ACOT7: variants seen among roughly 807,000 people sequenced by gnomAD.
ACOT7 encodes acyl-CoA thioesterase 7.
Under a neutral mutation model 40.2 loss-of-function variants are expected in ACOT7, and 12 were observed. The ratio of observed to expected loss-of-function variants is 0.30; its 90% CI spans 0.19 to 0.48. The LOEUF is 0.48. Ranked by LOEUF, ACOT7 falls within the 20% of genes least tolerant of loss-of-function variation. The probability of loss-of-function intolerance (pLI) is 0.99; values close to 1 mark genes in which losing one functional copy is unlikely to be tolerated. For synonymous variants in ACOT7, 228 were observed against 219.5 expected, an observed-to-expected ratio of 1.04 and a Z score of -0.34; for missense variants, 395 against 530.8, an observed-to-expected ratio of 0.74 and a Z score of 2.51.
chr1:6,301,417 A>G lies in ACOT7; in HGVS notation c.713-6437T>C, dbSNP rs1454865571. On this transcript the variant is annotated intron_variant, in intron 6 of 8. Coordinates refer to ENST00000361521, the MANE Select transcript of ACOT7 (RefSeq NM_007274.4). The surrounding 1 kb of genome is among the most constrained non-coding windows in gnomAD (Gnocchi z 4.1). The stretch of plus-strand genomic sequence containing the variant: ...CACGTGACAGTCAACCCCGAGGGGA[A>G]GATGTGAGCGGCTATTGAGTGCCTG... 2.0e-5 allele frequency among the ~76,000 whole-genome samples: 3 copies of G among 152,186 alleles called. No individual in the cohort carries two copies. Among genetic ancestry groups the G allele is most frequent in the Non-Finnish European group, 4.4e-5 (3 of 68,022 alleles).
Position 6,278,999 on chromosome 1 carries a change from G to C in ACOT7, c.1014+2103C>G, listed in dbSNP as rs1639278618. Among the ~76,000 whole-genome samples, 1 of 152,224 alleles carries C rather than the reference G, an allele frequency of 6.6e-6. No homozygotes were observed. The highest frequency in any genetic ancestry group is 1.5e-5 in the Non-Finnish European group (1 of 68,028). The stretch of plus-strand genomic sequence containing the variant: ...AGCTTCGGAAATGTGCCTGGGTCAG[G>C]TGGGGGATTCAGCATCAGGACAGAC... On this transcript the variant is annotated intron_variant, in intron 8 of 8. Transcript: ENST00000361521. The surrounding 1 kb of genome is among the most constrained non-coding windows in gnomAD (Gnocchi z 4.1).
intron 4 of ACOT7, among the ~76,000 whole-genome samples, chr1:6,327,839 T>C (rs1212693738): frequency 6.6e-6 from 1 of 152,176 alleles, no homozygotes; most frequent in Admixed American, 6.5e-5. Context: ...AGTGGCGTGA[T>C]CTCAGCTCAC....
At chr1:6,366,260 A>C (rs1037424028) in intron 1 of ACOT7, among the ~76,000 whole-genome samples, 3 of 152,134 alleles carry the variant, frequency 2.0e-5, no homozygotes, top group Middle Eastern at 3.4e-3. Flanking sequence ...AATGACATTG[A>C]CCACATCAAT....
In ACOT7 at chr1:6,288,472, G is replaced by T. The variant is rs923334192; in HGVS notation, c.829+6392C>A. ...CTATGACAAGTGGCAGCCTGTCCTA[G>T]CAGACCTGAAGTGCCAGCTGGAGGG... On this transcript the variant is annotated intron_variant, in intron 7 of 8. Coordinates refer to ENST00000361521, the MANE Select transcript of ACOT7 (RefSeq NM_007274.4). This position sits in a 1 kb window ranked among gnomAD's most constrained non-coding sequence, Gnocchi z 4.3. 2.0e-5 allele frequency among the ~76,000 whole-genome samples: 3 copies of T among 152,244 alleles called. No homozygotes were observed. The highest frequency in any genetic ancestry group is 7.2e-5 in the African/African-American group (3 of 41,468).
chr1:6,272,936 C>T (rs989796446), intron 8 of ACOT7, among the ~76,000 whole-genome samples: 1 of 152,220 alleles, frequency 6.6e-6, no homozygotes, highest in African/African-American at 2.4e-5. Flanking sequence ...TCACTCTGTC[C>T]GTGTCACAAA....
At chr1:6,335,253 G>A in intron 3 of ACOT7, among the ~76,000 whole-genome samples, 1 of 148,658 alleles carries the variant, frequency 6.7e-6, no homozygotes, top group African/African-American at 2.5e-5. Flanking sequence ...CTTGAACCCA[G>A]GAGGCAGAGG....
chr1:6,322,857 G>A (rs1424510574), intron 5 of ACOT7, among the ~76,000 whole-genome samples: 2 of 152,144 alleles, frequency 1.3e-5, no homozygotes, highest in Non-Finnish European at 2.9e-5. Context: ...GGGGCCGGGC[G>A]CAGTGGCTCA....
intron 2 of ACOT7, among the ~76,000 whole-genome samples, chr1:6,341,649 G>GGA (rs1473348118): frequency 3.3e-5 from 5 of 149,832 alleles, no homozygotes; most frequent in Non-Finnish European, 7.4e-5. Context: ...GGCTGAGGCA[G>GGA]GAGAATGGCG....
intron 7 of ACOT7, among the ~76,000 whole-genome samples, chr1:6,281,735 G>A (rs1639365365): frequency 6.6e-6 from 1 of 152,212 alleles, no homozygotes; most frequent in Non-Finnish European, 1.5e-5. Flanking sequence ...GCCCACCGGA[G>A]CCACAGCTGC....
chr1:6,374,235 G>A (rs962366095), intron 1 of ACOT7, among the ~76,000 whole-genome samples: 2 of 152,206 alleles, frequency 1.3e-5, no homozygotes, highest in African/African-American at 4.8e-5. Context: ...GCGGGAGGGA[G>A]GTGGCCAAAT....
At chr1:6,265,822 T>A (rs1638834891) in intron 8 of ACOT7, among the ~76,000 whole-genome samples, 1 of 152,244 alleles carries the variant, frequency 6.6e-6, no homozygotes, top group South Asian at 2.1e-4. Flanking sequence ...GCCCTTCATT[T>A]CATCCACAAT....
intron 6 of ACOT7, among the ~76,000 whole-genome samples, chr1:6,315,099 C>G (rs776433502): frequency 2.0e-5 from 3 of 152,208 alleles, no homozygotes; most frequent in Admixed American, 6.5e-5. Context: ...TGATTCCAGG[C>G]AGAAGAGCTC....
chr1:6,357,116 A>G (rs1386142292), intron 1 of ACOT7, among the ~76,000 whole-genome samples: 1 of 152,080 alleles, frequency 6.6e-6, no homozygotes, highest in Admixed American at 6.6e-5. Flanking sequence ...ACATGCCTGT[A>G]ATCCCAGCTA....
Position 6,393,331 on chromosome 1 carries a change from G to T in ACOT7, c.69C>A (p.Pro23=). The T allele has an allele frequency of 1.6e-6, 2 of 1,263,312 alleles. No homozygotes were observed. The allele number at this position is 1,263,312 out of a possible 1,614,324, so 78.3% of individuals were successfully genotyped here. The stretch of plus-strand genomic sequence containing the variant: ...TGGGGGCTGCGGCGGCGGATGCGGC[G>T]GGCGGCTGCAGAAGGGCGCAGGTGT... ...LPDTCALLQP[P]AASAAAAPSM... The change falls in exon 1 of 9, where the codon CCC becomes CCA. Residue 23 remains proline (P), a synonymous_variant. Transcript: ENST00000361521.
At chr1:6,284,495 G>C (rs2148383155) in intron 7 of ACOT7, among the ~76,000 whole-genome samples, 1 of 144,832 alleles carries the variant, frequency 6.9e-6, no homozygotes, top group Non-Finnish European at 1.5e-5. Flanking sequence ...AGAATCGCCT[G>C]AACCCGGGAG....
chr1:6,390,772 C>T (rs953051496), intron 1 of ACOT7, among the ~76,000 whole-genome samples: 1 of 150,682 alleles, frequency 6.6e-6, no homozygotes, highest in African/African-American at 2.4e-5. Flanking sequence ...CCCGTCTCTA[C>T]TAAAAATACA....
rs1426977568 is a variant in ACOT7, at chr1:6,352,743, C to T, written c.144-2877G>A. Among the ~76,000 whole-genome samples, 3 of 151,696 alleles carry T rather than the reference C, an allele frequency of 2.0e-5. No individual in the cohort carries two copies. Among genetic ancestry groups the T allele is most frequent in the African/African-American group, 7.3e-5 (3 of 41,278 alleles). Reference sequence around the variant, plus strand: ...CACTACAGGCGCCCGCCACCACGCCCGGCTAATTTTTTGCATTTTTTAGTA... The same window carrying T: ...CACTACAGGCGCCCGCCACCACGCCTGGCTAATTTTTTGCATTTTTTAGTA... On this transcript the variant is annotated intron_variant, in intron 1 of 8. Transcript: ENST00000361521. This position sits in a 1 kb window ranked among gnomAD's most constrained non-coding sequence, Gnocchi z 4.5.
chr1:6,363,811 C>A (rs765457535), intron 1 of ACOT7, among the ~76,000 whole-genome samples: 2 of 152,088 alleles, frequency 1.3e-5, no homozygotes, highest in African/African-American at 4.8e-5. Context: ...GGTAGTTGTC[C>A]CCCGGGCCCA....
intron 5 of ACOT7, 61 bp downstream of exon 5, chr1:6,327,238 C>T (rs537832438): frequency 1.9e-6 from 3 of 1,552,426 alleles, no homozygotes; most frequent in Non-Finnish European, 2.7e-6. Flanking sequence ...CCGGCCTGCT[C>T]CTGCCTCCTA....
Sources: allele counts gnomAD v4.1 joint callset (sites outside exome capture counted in the v4.1 genomes callset), GRCh38; gene constraint gnomAD v4.1.1; non-coding constraint Gnocchi (gnomAD v3.1); transcripts MANE v1.5; gene names NCBI Gene and HGNC (gene_info 2026-07-23, HGNC 2026-07-21).